The following ACACA variants were observed in gnomAD, a reference collection of about 807,000 sequenced individuals.
The protein encoded by ACACA is acetyl-CoA carboxylase 1.
ACACA carries 103 observed loss-of-function variants against 296.1 expected under a neutral mutation model. The ratio of observed to expected loss-of-function variants is 0.35; its 90% CI spans 0.30 to 0.41. The LOEUF is 0.41. Among genes scored for constraint, ACACA ranks in the 10% least tolerant of loss-of-function variants. The pLI is 1.00. For missense variants in ACACA, 1,554 were observed against 2,989.7 expected (o/e 0.52, Z 11.20); for synonymous variants, 953 against 1,038.6 (o/e 0.92, Z 1.58).
chr17:37,380,660 C>T (rs1172039405), intron 1 of ACACA, among the ~76,000 whole-genome samples: 3 of 151,902 alleles, frequency 2.0e-5, no homozygotes, highest in Non-Finnish European at 2.9e-5. Flanking sequence ...TCCAGTGGTG[C>T]GATCTTGGCC....
intron 52 of ACACA, 60 bp downstream of exon 52, chr17:37,111,471 G>T: frequency 8.1e-7 from 1 of 1,234,514 alleles, no homozygotes; most frequent in Non-Finnish European, 1.2e-6. Flanking sequence ...GCCTATGAAT[G>T]CACTCATTAC....
chr17:37,105,960 A>G (rs1460622327), intron 52 of ACACA, among the ~76,000 whole-genome samples: 1 of 152,130 alleles, frequency 6.6e-6, no homozygotes, highest in African/African-American at 2.4e-5. Context: ...CACCCTCCCC[A>G]GAAAGCTCCT....
At chr17:37,356,806 T>C (rs2049163860) in intron 1 of ACACA, among the ~76,000 whole-genome samples, 2 of 152,346 alleles carry the variant, frequency 1.3e-5, no homozygotes, top group East Asian at 3.9e-4. Context: ...TTCCACAGTT[T>C]GTATTTTAAT....
intron 1 of ACACA, among the ~76,000 whole-genome samples, chr17:37,344,133 A>G (rs1241047598): frequency 6.6e-6 from 1 of 151,888 alleles, no homozygotes; most frequent in Non-Finnish European, 1.5e-5. Context: ...TTTAAAAAGA[A>G]AAAAAAACCT....
At chr17:37,375,064 C>T (rs1026262492) in intron 1 of ACACA, among the ~76,000 whole-genome samples, 2 of 151,904 alleles carry the variant, frequency 1.3e-5, no homozygotes, top group Admixed American at 6.6e-5. Flanking sequence ...CAGGGTGGCA[C>T]ACACATTTAA....
chr17:37,202,178 C>T (rs1225291203), intron 33 of ACACA, among the ~76,000 whole-genome samples: 1 of 152,180 alleles, frequency 6.6e-6, no homozygotes, highest in Admixed American at 6.5e-5. Flanking sequence ...GATTCCACTA[C>T]AGTCAAGTCC....
At chr17:37,190,977 TA>T in intron 38 of ACACA, 142 bp downstream of exon 38, 1 of 1,052,034 alleles carries the variant, frequency 9.5e-7, no homozygotes. Context: ...CTCAATCTTA[TA>T]AACATTCTAT....
At chr17:37,367,857 C>CA (rs1205047209) in intron 1 of ACACA, 1 of 152,208 alleles carries the variant, frequency 6.6e-6, no homozygotes, top group Non-Finnish European at 1.5e-5. Flanking sequence ...CACCTGAGGT[C>CA]AGGAGTTCAA....
At chr17:37,292,083 G>A (rs1007717233) in intron 3 of ACACA, among the ~76,000 whole-genome samples, 6 of 151,830 alleles carry the variant, frequency 4.0e-5, no homozygotes, top group South Asian at 2.1e-4. Flanking sequence ...CTACCCTTGC[G>A]GAAATGTGTT....
At chr17:37,389,183 T>A in intron 1 of ACACA, 2 of 1,530,286 alleles carry the variant, frequency 1.3e-6, no homozygotes, top group Middle Eastern at 1.7e-4. Context: ...AACAAGAGGT[T>A]TGGAAGAAAA....
chr17:37,188,546 G>A lies in ACACA; in HGVS notation c.4573-66C>T, dbSNP rs926850344. 95 of 1,529,132 alleles carry A rather than the reference G, an allele frequency of 6.2e-5. 1 individual carries two copies. Among genetic ancestry groups the A allele is most frequent in the Non-Finnish European group, 7.2e-5 (80 of 1,105,860 alleles). 94.7% of individuals were successfully genotyped at this position (1,529,132 alleles called of 1,614,324 possible). A position where few individuals can be genotyped will look rare whatever the true frequency, so the allele number is the denominator to read the frequency against. On this transcript the variant is annotated intron_variant, in intron 38 of 55. Transcript: ENST00000616317. ...TCTAACTAAGACCTGTTTCAGGTCT[G>A]CTCATATTTGAGAAAGAAGGGGTAA...
intron 52 of ACACA, among the ~76,000 whole-genome samples, chr17:37,099,545 G>C (rs571626906): frequency 1.0e-5 from 1 of 97,716 alleles, no homozygotes; most frequent in Non-Finnish European, 1.9e-5. Flanking sequence ...GGCTGATGGC[G>C]GGAGGGCTGA....
intron 1 of ACACA, among the ~76,000 whole-genome samples, chr17:37,380,778 A>G (rs2050214256): frequency 6.6e-6 from 1 of 151,986 alleles, no homozygotes; most frequent in Non-Finnish European, 1.5e-5. Flanking sequence ...TTGTATTTTT[A>G]GTAGAGACAG....
intron 39 of ACACA, among the ~76,000 whole-genome samples, chr17:37,187,692 T>C (rs1374941093): frequency 1.3e-5 from 2 of 152,226 alleles, no homozygotes; most frequent in African/African-American, 2.4e-5. Context: ...TTGTATAATA[T>C]ATGACACCCT....
chr17:37,131,444 G>A (rs566927206), intron 45 of ACACA, among the ~76,000 whole-genome samples: 4 of 152,226 alleles, frequency 2.6e-5, no homozygotes, highest in African/African-American at 9.6e-5. Context: ...GCCCCGGAGA[G>A]CTCTAAACAG....
intron 1 of ACACA, among the ~76,000 whole-genome samples, chr17:37,372,413 GAAA>G (rs71135711): frequency 3.3e-5 from 3 of 89,678 alleles, no homozygotes; most frequent in Non-Finnish European, 2.4e-5. Flanking sequence ...ACTCTGTCTC[GAAA>G]AAAAAAAAAA....
At chr17:37,128,723 T>C (rs928831580) in intron 47 of ACACA, among the ~76,000 whole-genome samples, 8 of 152,198 alleles carry the variant, frequency 5.3e-5, no homozygotes, top group Non-Finnish European at 1.2e-4. Context: ...GACAAAGCAG[T>C]AGATTAGATA....
chr17:37,246,952 T>C lies in ACACA; in HGVS notation c.2334A>G (p.Lys778=), dbSNP rs1160045772. ...CATTTTCCTTCTCAAACACACAGGT[T>C]TTATTGCCAATTGTGATGCGATATC... The part of the protein sequence containing the change: ...VDRYRITIGN[K]TCVFEKENDP... The change falls in exon 19 of 56, where the codon AAA becomes AAG. Residue 778 remains lysine (K), a synonymous_variant. Transcript: ENST00000616317. 3 of 1,613,996 alleles carry C rather than the reference T, an allele frequency of 1.9e-6. No individual in the cohort carries two copies. In the South Asian group the frequency reaches 3.3e-5, roughly 18 times the overall value.
chr17:37,382,677 T>C (rs1203612127), intron 1 of ACACA, among the ~76,000 whole-genome samples: 1 of 152,070 alleles, frequency 6.6e-6, no homozygotes, highest in Non-Finnish European at 1.5e-5. Context: ...CTGGCCAACA[T>C]GGTAAAACCT....
Sources: gnomAD v4.1 joint callset for allele counts (sites outside exome capture counted in the v4.1 genomes callset) on GRCh38, gnomAD v4.1.1 for gene constraint, MANE v1.5 for transcripts, NCBI Gene and HGNC (gene_info 2026-07-23, HGNC 2026-07-21) for gene names.